The following FAR2 variants were observed in gnomAD, a reference collection of about 807,000 sequenced individuals.
The protein encoded by FAR2 is fatty acyl-CoA reductase 2.
FAR2 carries 19 observed loss-of-function variants against 56.0 expected under a neutral mutation model. The ratio of observed to expected loss-of-function variants is 0.34; its 90% CI spans 0.24 to 0.50. The LOEUF is 0.50. Ranked by LOEUF, FAR2 falls within the 20% of genes least tolerant of loss-of-function variation. The pLI, the probability that FAR2 is intolerant of heterozygous loss-of-function variation, is 0.98. For synonymous variants in FAR2, 219 were observed against 218.8 expected (o/e 1.00, Z -0.01); for missense variants, 508 against 642.2 (o/e 0.79, Z 2.26).
intron 1 of FAR2, among the ~76,000 whole-genome samples, chr12:29,228,469 A>G (rs1001136714): frequency 2.0e-5 from 3 of 152,138 alleles, no homozygotes; most frequent in Non-Finnish European, 2.9e-5. Flanking sequence ...CATAAGATTG[A>G]TTATTTTTGT....
At chr12:29,282,911 C>T (rs2136728956) in intron 2 of FAR2, among the ~76,000 whole-genome samples, 1 of 152,100 alleles carries the variant, frequency 6.6e-6, no homozygotes, top group South Asian at 2.1e-4. Flanking sequence ...TACTAAGTTT[C>T]TTAAGTATTT....
intron 1 of FAR2, among the ~76,000 whole-genome samples, chr12:29,268,938 C>T (rs1044306481): frequency 1.3e-5 from 2 of 152,100 alleles, no homozygotes; most frequent in Non-Finnish European, 2.9e-5. Flanking sequence ...ACATCAAGTC[C>T]TTTACAAGGT....
At chr12:29,154,353 G>C (rs2050989164) in intron 1 of FAR2, among the ~76,000 whole-genome samples, 1 of 151,806 alleles carries the variant, frequency 6.6e-6, no homozygotes, top group South Asian at 2.1e-4. Flanking sequence ...AAGCTTCCCT[G>C]ATGATATGAC....
intron 1 of FAR2, among the ~76,000 whole-genome samples, chr12:29,249,634 A>C (rs1306351514): frequency 6.6e-6 from 1 of 152,176 alleles, no homozygotes; most frequent in Non-Finnish European, 1.5e-5. Context: ...GCAACTAGAA[A>C]CTTAGACTTA....
chr12:29,310,580 G>C (rs1949329888), intron 6 of FAR2, among the ~76,000 whole-genome samples: 4 of 152,090 alleles, frequency 2.6e-5, no homozygotes, highest in Admixed American at 2.6e-4. Context: ...AACTTTTAGT[G>C]CCTACTATTG....
In FAR2 at chr12:29,333,875, T is replaced by A. The variant is rs1949765352; in HGVS notation, c.*81T>A. On this transcript the variant is annotated 3_prime_UTR_variant, in exon 12 of 12. Coordinates refer to ENST00000536681, the MANE Select transcript of FAR2 (RefSeq NM_001271783.2). ...AACTGTGATTCTCAAGATTAGAAAG[T>A]AACAAGGAATATGCCCAAACTGTCA... 2.3e-6 allele frequency: 3 copies of A among 1,312,884 alleles called. No individual in the cohort carries two copies. The highest frequency in any genetic ancestry group is 4.0e-5 in the Admixed American group (2 of 50,560). 81.3% of individuals were successfully genotyped at this position (1,312,884 alleles called of 1,614,324 possible). A position where few individuals can be genotyped will look rare whatever the true frequency, so the allele number is the denominator to read the frequency against.
At chr12:29,299,841 C>T (rs7954990) in intron 4 of FAR2, among the ~76,000 whole-genome samples, 82,649 of 151,932 alleles carry the variant, frequency 0.54, 22,956 homozygotes, top group East Asian at 0.65. Context: ...TCTGCTTCAC[C>T]TGGTTAATTC....
At chr12:29,280,835 A>G (rs1293346366) in intron 2 of FAR2, 1 of 152,258 alleles carries the variant, frequency 6.6e-6, no homozygotes, top group Non-Finnish European at 1.5e-5. Context: ...TGCCTATCAC[A>G]TCTGTCCATA....
intron 1 of FAR2, among the ~76,000 whole-genome samples, chr12:29,187,967 A>G (rs932415276): frequency 1.3e-5 from 2 of 152,202 alleles, no homozygotes; most frequent in African/African-American, 4.8e-5. Flanking sequence ...GACTTGGCAC[A>G]TGGACCATAA....
chr12:29,303,492 C>G (rs1016990451), intron 4 of FAR2, among the ~76,000 whole-genome samples: 3 of 152,122 alleles, frequency 2.0e-5, no homozygotes, highest in African/African-American at 7.2e-5. Context: ...TGAGGCTACA[C>G]AGTCACCAGA....
chr12:29,323,530 G>A (rs527455578), intron 10 of FAR2, among the ~76,000 whole-genome samples: 6 of 152,172 alleles, frequency 3.9e-5, no homozygotes, highest in African/African-American at 1.2e-4. Flanking sequence ...ACACGGCCAG[G>A]TACTCCTCTG....
chr12:29,245,502 A>G (rs1243337777), intron 1 of FAR2, among the ~76,000 whole-genome samples: 1 of 152,140 alleles, frequency 6.6e-6, no homozygotes, highest in East Asian at 1.9e-4. Flanking sequence ...CAAATCTGCA[A>G]GTTTAATAAG....
chr12:29,296,898 C>G (rs1949081062), intron 3 of FAR2, 123 bp from the exon 4 acceptor site: 1 of 773,634 alleles, frequency 1.3e-6, no homozygotes, highest in African/African-American at 1.7e-5. Flanking sequence ...TCCTTCTCTT[C>G]CTGGTGTTTT....
At chr12:29,304,566 A>G (rs1591950698) in intron 4 of FAR2, among the ~76,000 whole-genome samples, 2 of 152,222 alleles carry the variant, frequency 1.3e-5, no homozygotes, top group African/African-American at 4.8e-5. Flanking sequence ...CACTTGTTGC[A>G]TAAGAAAATT....
intron 1 of FAR2, among the ~76,000 whole-genome samples, chr12:29,180,706 T>G (rs1565683747): frequency 6.6e-6 from 1 of 151,256 alleles, no homozygotes; most frequent in East Asian, 1.9e-4. Context: ...TAAGATCACA[T>G]GTATTATTCA....
intron 1 of FAR2, among the ~76,000 whole-genome samples, chr12:29,254,211 CTA>C (rs1363650359): frequency 6.6e-5 from 10 of 152,056 alleles, no homozygotes; most frequent in Admixed American, 5.9e-4. Flanking sequence ...CCTGGAAAAA[CTA>C]TATATAACAA....
intron 1 of FAR2, among the ~76,000 whole-genome samples, chr12:29,152,810 T>A (rs1390536): frequency 0.11 from 16,328 of 152,168 alleles, 915 homozygotes; most frequent in East Asian, 0.16. Flanking sequence ...TGCAATTAAT[T>A]CCCAAGAAGA....
intron 1 of FAR2, among the ~76,000 whole-genome samples, chr12:29,172,679 A>C (rs991407247): frequency 6.6e-6 from 1 of 152,130 alleles, no homozygotes; most frequent in Non-Finnish European, 1.5e-5. Context: ...TAATAAACTT[A>C]TCTTTTAGGA....
chr12:29,186,488 AT>A (rs1950041405), intron 1 of FAR2, among the ~76,000 whole-genome samples: 1 of 152,184 alleles, frequency 6.6e-6, no homozygotes, highest in African/African-American at 2.4e-5. Context: ...GGAGTTGCAA[AT>A]TGCAAATAAT....
Sources: allele counts gnomAD v4.1 joint callset (sites outside exome capture counted in the v4.1 genomes callset), GRCh38; gene constraint gnomAD v4.1.1; transcripts MANE v1.5; gene names NCBI Gene and HGNC (gene_info 2026-07-23, HGNC 2026-07-21).